The following TENM2 variants were observed in gnomAD, a reference collection of about 807,000 sequenced individuals.
TENM2 encodes teneurin transmembrane protein 2, also known as teneurin-2.
In TENM2, 52 loss-of-function variants were observed where a neutral mutation model predicts 245.2. That is an observed-to-expected ratio of 0.21 (90% CI 0.17 to 0.27). The LOEUF (loss-of-function observed/expected upper bound fraction) is 0.27, where lower values mean the gene tolerates loss of function less well. TENM2 is among the 10% of genes least tolerant of loss of function. TENM2 has a pLI of 1.00. For synonymous variants in TENM2, 1,363 were observed against 1,438.9 expected (o/e 0.95, Z 1.19); for missense variants, 3,046 against 3,666.8 (o/e 0.83, Z 4.37).
At chr5:167,342,874 T>G (rs1036936270) in intron 1 of TENM2, among the ~76,000 whole-genome samples, 1 of 142,066 alleles carries the variant, frequency 7.0e-6, no homozygotes, top group African/African-American at 2.6e-5. Flanking sequence ...TTTTTTTTTT[T>G]GAAGAAAGTC....
chr5:167,946,745 T>C (rs957517005), intron 3 of TENM2, among the ~76,000 whole-genome samples: 13 of 152,144 alleles, frequency 8.5e-5, no homozygotes, highest in Admixed American at 3.9e-4. Context: ...TGACATCTGG[T>C]GCATTACTTA....
chr5:167,178,891 T>G, the TENM2 span, among the ~76,000 whole-genome samples: 2 of 152,212 alleles, frequency 1.3e-5, no homozygotes, highest in Non-Finnish European at 2.9e-5. Context: ...ATCCAACTTT[T>G]TCTTGTTACC....
intron 3 of TENM2, among the ~76,000 whole-genome samples, chr5:167,925,120 A>G (rs749752425): frequency 1.5e-4 from 23 of 152,322 alleles, no homozygotes; most frequent in Non-Finnish European, 2.1e-4. Flanking sequence ...CTGGAAATAA[A>G]TCAAACGTCT....
chr5:167,601,003 G>A (rs1336818449), intron 2 of TENM2, among the ~76,000 whole-genome samples: 1 of 152,152 alleles, frequency 6.6e-6, no homozygotes, highest in Non-Finnish European at 1.5e-5. Context: ...TTTATCAAGT[G>A]CCAGCTTTAT....
chr5:167,360,061 A>G (rs1283806105), intron 1 of TENM2, among the ~76,000 whole-genome samples: 3 of 152,206 alleles, frequency 2.0e-5, no homozygotes. Context: ...CAAAAGAACT[A>G]CTGGGCACTA....
intron 25 of TENM2, among the ~76,000 whole-genome samples, chr5:168,233,315 A>T (rs1205909154): frequency 6.6e-6 from 1 of 151,218 alleles, no homozygotes; most frequent in Non-Finnish European, 1.5e-5. Context: ...GCAGAGTGAG[A>T]CTCCCATCTC....
chr5:167,000,701 G>A, the TENM2 span, among the ~76,000 whole-genome samples: 75 of 152,248 alleles, frequency 4.9e-4, 1 homozygote, highest in African/African-American at 1.7e-3. Flanking sequence ...TACACATAGC[G>A]ATACCCCACT....
rs1336144949 is a variant in TENM2, at chr5:167,447,093, G to A, written c.502+71620G>A. Among the ~76,000 whole-genome samples, 3 of 152,282 alleles carry A rather than the reference G, an allele frequency of 2.0e-5. No homozygotes were observed. The East Asian group carries it at 5.8e-4, about 29-fold the overall frequency. Reference sequence around the variant, plus strand: ...TTTCAGATTTGGAATGTTCCAAACTGTATAACAAATGACTGAGTGTGTGGA... The same window carrying A: ...TTTCAGATTTGGAATGTTCCAAACTATATAACAAATGACTGAGTGTGTGGA... On this transcript the variant is annotated intron_variant, in intron 2 of 28. Transcript: ENST00000518659.
At chr5:168,146,803 G>C (rs1270058082) in intron 12 of TENM2, among the ~76,000 whole-genome samples, 1 of 152,184 alleles carries the variant, frequency 6.6e-6, no homozygotes, top group Non-Finnish European at 1.5e-5. Flanking sequence ...GAGAGGGGCC[G>C]GTGAGTGCTA....
intron 2 of TENM2, among the ~76,000 whole-genome samples, chr5:167,861,618 C>T (rs1410062731): frequency 6.6e-6 from 1 of 152,178 alleles, no homozygotes; most frequent in African/African-American, 2.4e-5. Flanking sequence ...TCTAGCCATG[C>T]AAACGCTGTG....
At chr5:167,470,315 C>G (rs1425325448) in intron 2 of TENM2, among the ~76,000 whole-genome samples, 2 of 151,894 alleles carry the variant, frequency 1.3e-5, no homozygotes, top group Non-Finnish European at 2.9e-5. Context: ...TTTTGTGACT[C>G]CAGTTCAATT....
chr5:168,013,119 CACAT>C (rs1350423291), intron 5 of TENM2, among the ~76,000 whole-genome samples: 2 of 152,166 alleles, frequency 1.3e-5, no homozygotes, highest in Non-Finnish European at 2.9e-5. Context: ...CACTTACACA[CACAT>C]ACACATCCCA....
chr5:167,584,598 CTTTTCA>C (rs937482321), intron 2 of TENM2, among the ~76,000 whole-genome samples: 2 of 152,104 alleles, frequency 1.3e-5, no homozygotes, highest in African/African-American at 4.8e-5. Context: ...TGGGGTTTTC[CTTTTCA>C]TTCAGTTCTA....
chr5:167,228,250 G>A, the TENM2 span, among the ~76,000 whole-genome samples: 3 of 151,736 alleles, frequency 2.0e-5, no homozygotes, highest in African/African-American at 4.8e-5. Flanking sequence ...GGCTGGTCTC[G>A]AACTCCTGAC....
chr5:168,218,801 A>G lies in TENM2; in HGVS notation c.4910A>G (p.Lys1637Arg). 1 of 1,614,026 alleles carries G rather than the reference A, an allele frequency of 6.2e-7. No homozygotes were observed. The highest frequency in any genetic ancestry group is 8.5e-7 in the Non-Finnish European group (1 of 1,179,894). The change falls in exon 23 of 29, where the codon AAG becomes AGG. Residue 1637 changes from lysine to arginine, a missense_variant. Around this residue, in one of 2 missense-constraint regions of TENM2, gnomAD observed 2,704 missense variants for 3,331.9 expected, o/e 0.81. Transcript: ENST00000518659. This position sits in a 1 kb window ranked among gnomAD's most constrained non-coding sequence, Gnocchi z 5.2. ...ATTGACAATAATGGGAATTCCCTGA[A>G]GATCCGTCGGGACAGCAGTGGCATG...
chr5:167,347,299 T>C (rs546729504), intron 1 of TENM2, among the ~76,000 whole-genome samples: 13 of 152,200 alleles, frequency 8.5e-5, no homozygotes, highest in South Asian at 2.1e-4. Flanking sequence ...TTGTCTTCTA[T>C]GGCTGTTTGC....
intron 3 of TENM2, among the ~76,000 whole-genome samples, chr5:167,921,750 C>A: frequency 6.6e-6 from 1 of 152,104 alleles, no homozygotes; most frequent in East Asian, 1.9e-4. Flanking sequence ...AAAAATAAAA[C>A]AATGAAAATC....
At chr5:167,947,776 C>T (rs1294003593) in intron 3 of TENM2, among the ~76,000 whole-genome samples, 1 of 152,138 alleles carries the variant, frequency 6.6e-6, no homozygotes, top group African/African-American at 2.4e-5. Flanking sequence ...ATCTGAGGGT[C>T]TGAGGGAGTT....
rs1012295924 is a variant in TENM2, at chr5:168,101,801, G to A, written c.1813+3674G>A. Reference sequence around the variant, plus strand: ...TTCTGGGTGAAGTTGGTTGAAGAGTGTTAGGAGTAGGATTCTACCTTTTAG... The same window carrying A: ...TTCTGGGTGAAGTTGGTTGAAGAGTATTAGGAGTAGGATTCTACCTTTTAG... On this transcript the variant is annotated intron_variant, in intron 9 of 28. Coordinates refer to ENST00000518659, the Ensembl canonical transcript of TENM2. 3.9e-5 allele frequency among the ~76,000 whole-genome samples: 6 copies of A among 152,082 alleles called. No individual in the cohort carries two copies. In the South Asian group the frequency reaches 1.0e-3, roughly 26 times the overall value.
Sources: gnomAD v4.1 joint callset for allele counts (sites outside exome capture counted in the v4.1 genomes callset) on GRCh38, gnomAD v4.1.1 for gene constraint, gnomAD v4.1.1 regional missense constraint, Gnocchi (gnomAD v3.1) non-coding constraint, MANE v1.5 for transcripts, NCBI Gene and HGNC (gene_info 2026-07-23, HGNC 2026-07-21) for gene names.